ZNF165: variants seen among roughly 807,000 people sequenced by gnomAD.
ZNF165 encodes cancer/testis antigen 53.
A neutral mutation model predicts 19.6 loss-of-function variants in ZNF165; 14 were observed. The observed-to-expected ratio is 0.71, with a 90% CI of 0.47 to 1.12. The LOEUF is 1.12. Among genes scored for constraint, ZNF165 ranks in the 50% most tolerant of loss-of-function variants. The pLI is 0.00. For missense variants in ZNF165, 504 were observed against 566.3 expected (o/e 0.89, Z 1.12); for synonymous variants, 165 against 195.0 (o/e 0.85, Z 1.28).
intron 1 of ZNF165, among the ~76,000 whole-genome samples, chr6:28,082,467 G>T (rs1764178245): frequency 6.6e-6 from 1 of 152,212 alleles, no homozygotes. Context: ...TTGACAGCAA[G>T]CCAGTGATAA....
chr6:28,088,862 A>G lies in ZNF165; in HGVS notation c.850A>G (p.Asn284Asp), dbSNP rs940036508. ...TGAGAGGAGATTAAATCTGAACTCA[A>G]ATGAATTCACACACCAGAAATCTTG... ...GCERRLNLNSNEFTHQKSCKH... is the reference protein window; with the variant it reads ...GCERRLNLNSDEFTHQKSCKH... The change falls in exon 4 of 4, where the codon AAT becomes GAT. Residue 284 changes from asparagine to aspartate, a missense_variant. Physicochemically the swap from Asn to Asp is conservative, Grantham distance 23. Transcript: ENST00000683778. 9 of 1,614,042 alleles carry G rather than the reference A, an allele frequency of 5.6e-6. No individual in the cohort carries two copies. Among genetic ancestry groups the G allele is most frequent in the South Asian group, 1.1e-5 (1 of 91,092 alleles).
chr6:28,086,001 C>A, intron 2 of ZNF165, 110 bp downstream of exon 2: 2 of 1,500,910 alleles, frequency 1.3e-6, no homozygotes, highest in Non-Finnish European at 1.8e-6. Context: ...GTTCAGTGTG[C>A]ATTTATGTCT....
At chr6:28,086,381 G>C in intron 3 of ZNF165, 71 bp downstream of exon 3, 1 of 1,545,292 alleles carries the variant, frequency 6.5e-7, no homozygotes, top group South Asian at 1.3e-5. Flanking sequence ...CCACAAACTA[G>C]TCTTGGTAAC....
intron 1 of ZNF165, chr6:28,081,251 C>G (rs1764148524): frequency 6.6e-6 from 1 of 152,260 alleles, no homozygotes. Flanking sequence ...TCCTACTGAT[C>G]CTGAATTTGG....
intron 1 of ZNF165, among the ~76,000 whole-genome samples, chr6:28,083,823 T>A (rs1252004420): frequency 6.6e-6 from 1 of 152,228 alleles, no homozygotes; most frequent in Non-Finnish European, 1.5e-5. Context: ...ATTCACAGTC[T>A]CTTCCCACCT....
rs773291107 is a variant in ZNF165, at chr6:28,085,772, C to T, written c.292C>T (p.Leu98=). ...GGAACTGCTGGTGCTAGAGCAGTTC[C>T]TGACCATCCTGCCAGGAGATTTGCA... ...ILELLVLEQF[L]TILPGDLQAW... Residue 98 remains leucine (L), a synonymous_variant, in exon 2 of 4, where the codon CTG becomes TTG. Coordinates refer to ENST00000683778, the MANE Select transcript of ZNF165 (RefSeq NM_001376491.1). 17 of 1,613,740 alleles carry T rather than the reference C, an allele frequency of 1.1e-5. No homozygotes were observed. The highest frequency in any genetic ancestry group is 6.7e-5 in the Admixed American group (4 of 60,018).
In ZNF165 at chr6:28,088,543, C is replaced by T; in HGVS notation, c.551-20C>T. 6.4e-7 allele frequency: 1 copy of T among 1,558,246 alleles called. No homozygotes were observed. Among genetic ancestry groups the T allele is most frequent in the African/African-American group, 1.4e-5 (1 of 72,396 alleles). ...TTCGTGCAGCAAACAGGTAATATTT[C>T]CCTTTCTTTTTTATTTTAGATAATG... On this transcript the variant is annotated intron_variant, in intron 3 of 3. Coordinates refer to ENST00000683778, the MANE Select transcript of ZNF165 (RefSeq NM_001376491.1).
At position 28,086,271 on chromosome 6, in the gene ZNF165, C is replaced by T; in HGVS notation, c.511C>T (p.His171Tyr). The T allele has an allele frequency of 1.2e-6, 2 of 1,614,172 alleles. No homozygotes were observed. Among genetic ancestry groups the T allele is most frequent in the South Asian group, 1.1e-5 (1 of 91,080 alleles). The change falls in exon 3 of 4, where the codon CAT becomes TAT. Residue 171 changes from histidine to tyrosine, a missense_variant. By Grantham distance (83) the His-to-Tyr change is moderately conservative (BLOSUM62 2). Coordinates refer to ENST00000683778, the MANE Select transcript of ZNF165 (RefSeq NM_001376491.1). ...GTTACAGCCAGTGGAGACCAAGGCC[C>T]ATTTTGATTCATCAGAACCCCAGCT... Reference protein sequence around the residue: ...VKLQPVETKAHFDSSEPQLLW... With the variant: ...VKLQPVETKAYFDSSEPQLLW...
intron 2 of ZNF165, 34 bp downstream of exon 2, chr6:28,085,925 A>G (rs1292794851): frequency 1.3e-6 from 2 of 1,595,172 alleles, no homozygotes; most frequent in Non-Finnish European, 8.5e-7. Flanking sequence ...AGACCTCCAT[A>G]ATGGATAAAG....
chr6:28,088,441 C>A, intron 3 of ZNF165, 122 bp from the exon 4 acceptor site: 1 of 775,442 alleles, frequency 1.3e-6, no homozygotes, highest in Non-Finnish European at 2.0e-6. Context: ...TTCTATCATT[C>A]CTCTCATGTG....
At chr6:28,086,016 T>C in intron 2 of ZNF165, 125 bp downstream of exon 2, 1 of 1,493,574 alleles carries the variant, frequency 6.7e-7, no homozygotes, top group Non-Finnish European at 9.0e-7. Flanking sequence ...ATGTCTCCTT[T>C]CCTGTCTGTT....
chr6:28,088,990 C>T lies in ZNF165; in HGVS notation c.978C>T (p.Phe326=). The stretch of plus-strand genomic sequence containing the variant: ...AAAATCACCAATATGGAAAATCTTT[C>T]AAGAGCCCAAAACTTGCTAAACATG... ...GEKNHQYGKS[F]KSPKLAKHAA... The change falls in exon 4 of 4, where the codon TTC becomes TTT. Residue 326 remains phenylalanine, a synonymous_variant. Coordinates refer to ENST00000683778, the MANE Select transcript of ZNF165 (RefSeq NM_001376491.1). The T allele has an allele frequency of 6.2e-7, 1 of 1,614,114 alleles. No homozygotes were observed. The highest frequency in any genetic ancestry group is 8.5e-7 in the Non-Finnish European group (1 of 1,179,996).
Position 28,089,298 on chromosome 6 carries a change from A to T in ZNF165, c.1286A>T (p.Glu429Val). Residue 429 changes from glutamate to valine, a missense_variant, in exon 4 of 4, where the codon GAG (glutamate) becomes GTG (valine). Coordinates refer to ENST00000683778, the MANE Select transcript of ZNF165 (RefSeq NM_001376491.1). Reference protein sequence around the residue: ...QRIHTREKPYECSECGKTFRV... With the variant: ...QRIHTREKPYVCSECGKTFRV... ...ATTCACACCAGAGAGAAACCCTACG[A>T]GTGTAGTGAATGTGGGAAAACCTTC... 1.2e-6 allele frequency: 2 copies of T among 1,614,182 alleles called. No homozygotes were observed. Among genetic ancestry groups the T allele is most frequent in the Non-Finnish European group, 1.7e-6 (2 of 1,180,024 alleles).
At position 28,080,864 on chromosome 6, in the gene ZNF165, C is replaced by T. The variant is rs966319199; in HGVS notation, c.-107C>T. On this transcript the variant is annotated 5_prime_UTR_variant, in exon 1 of 4. Coordinates refer to ENST00000683778, the MANE Select transcript of ZNF165 (RefSeq NM_001376491.1). ...TTGGAATTGTAGTCCAAAGGCATCC[C>T]GCCTTCTGCGCAGACTCACAAGTCC... 6.6e-6 allele frequency: 1 copy of T among 152,216 alleles called. No homozygotes were observed. Among genetic ancestry groups the T allele is most frequent in the African/African-American group, 2.4e-5 (1 of 41,438 alleles). 9.4% of individuals were successfully genotyped at this position (152,216 alleles called of 1,614,324 possible). A position where few individuals can be genotyped will look rare whatever the true frequency, so the allele number is the denominator to read the frequency against.
In ZNF165 at chr6:28,085,714, G is replaced by A. The variant is rs774547283; in HGVS notation, c.234G>A (p.Leu78=). ...TCCGGGAGCTCTGCTGTCAGTGGCT[G>A]AAGCCAGAGATCCATACCAAGGAAC... ...SRLRELCCQW[L]KPEIHTKEQI... The change falls in exon 2 of 4, where the codon CTG becomes CTA. Residue 78 remains leucine (L), a synonymous_variant. Transcript: ENST00000683778. 6.2e-7 allele frequency: 1 copy of A among 1,613,970 alleles called. No homozygotes were observed. Among genetic ancestry groups the A allele is most frequent in the Admixed American group, 1.7e-5 (1 of 60,016 alleles).
At position 28,086,221 on chromosome 6, in the gene ZNF165, C is replaced by T. The variant is rs1028330186; in HGVS notation, c.461C>T (p.Pro154Leu). Residue 154 changes from proline to leucine, a missense_variant, in exon 3 of 4, where the codon CCT (proline) becomes CTT (leucine). Physicochemically the swap from Pro to Leu is moderately conservative, Grantham distance 98. Transcript: ENST00000683778. The part of the protein sequence containing the change: ...GQEIFQKKVS[P>L]PGPALNVKLQ... ...GAAATATTCCAGAAAAAAGTGTCAC[C>T]TCCTGGACCAGCACTTAATGTCAAG... is the stretch of plus-strand genomic sequence containing the variant. The T allele has an allele frequency of 3.7e-6, 6 of 1,614,090 alleles. No individual in the cohort carries two copies. In the African/African-American group the frequency reaches 6.7e-5, roughly 18 times the overall value.
chr6:28,082,830 G>A (rs748073904), intron 1 of ZNF165, among the ~76,000 whole-genome samples: 13 of 152,054 alleles, frequency 8.5e-5, no homozygotes, highest in Non-Finnish European at 1.6e-4. Context: ...TGTTTCTGTT[G>A]GAAATATTTT....
At chr6:28,086,359 A>G in intron 3 of ZNF165, 49 bp downstream of exon 3, 3 of 1,568,556 alleles carry the variant, frequency 1.9e-6, no homozygotes, top group Non-Finnish European at 2.6e-6. Flanking sequence ...AAACAGGGGA[A>G]TGAATCTCCC....
Position 28,089,472 on chromosome 6 carries a change from G to T in ZNF165, c.*2G>T. The T allele has an allele frequency of 6.4e-7, 1 of 1,552,610 alleles. No homozygotes were observed. The highest frequency in any genetic ancestry group is 1.2e-5 in the South Asian group (1 of 81,948). On this transcript the variant is annotated 3_prime_UTR_variant, in exon 4 of 4. Transcript: ENST00000683778. Reference sequence around the variant, plus strand: ...ATGAGGGAAAACCTATTAATGTAAGGAACTTAAATTTGTAAGTAAATGCTG... The same window carrying T: ...ATGAGGGAAAACCTATTAATGTAAGTAACTTAAATTTGTAAGTAAATGCTG...
Sources: allele counts gnomAD v4.1 joint callset (sites outside exome capture counted in the v4.1 genomes callset), GRCh38; gene constraint gnomAD v4.1.1; transcripts MANE v1.5; gene names NCBI Gene and HGNC (gene_info 2026-07-23, HGNC 2026-07-21).